The following ZNF717 variants were observed in gnomAD, a reference collection of about 807,000 sequenced individuals.
ZNF717 encodes krueppel-like factor X17.
ZNF717 carries 9 observed loss-of-function variants against 13.8 expected under a neutral mutation model. The observed-to-expected ratio is 0.65, with a 90% CI of 0.39 to 1.14. ZNF717 has a LOEUF of 1.14. Among genes scored for constraint, ZNF717 ranks in the 50% most tolerant of loss-of-function variants. ZNF717 has a pLI of 0.01. For missense variants in ZNF717, 1,040 were observed against 1,080.7 expected (o/e 0.96, Z 0.53); for synonymous variants, 327 against 364.1 (o/e 0.90, Z 1.16).
chr3:75,704,877 G>C (rs796758081), downstream of ZNF717, among the ~76,000 whole-genome samples: 1 of 152,312 alleles, frequency 6.6e-6, no homozygotes, highest in African/African-American at 2.4e-5. Context: ...GAGATGTCTT[G>C]GAACCTAGTA....
downstream of ZNF717, among the ~76,000 whole-genome samples, chr3:75,728,993 T>C (rs1406528835): frequency 3.0e-5 from 4 of 131,166 alleles, no homozygotes; most frequent in African/African-American, 5.9e-5. Context: ...ATACATAACA[T>C]AGACAAACAG....
chr3:75,769,390 C>T (rs905458140), intron 2 of ZNF717, among the ~76,000 whole-genome samples: 15 of 152,034 alleles, frequency 9.9e-5, no homozygotes, highest in Non-Finnish European at 1.9e-4. Context: ...ACGTCCCCAG[C>T]CACTAGAGTC....
At chr3:75,748,168 C>A (rs199978763) in intron 2 of ZNF717, among the ~76,000 whole-genome samples, 2 of 152,014 alleles carry the variant, frequency 1.3e-5, no homozygotes, top group Admixed American at 6.6e-5. Context: ...CTTAATAGAC[C>A]AATAACAGGC....
At chr3:75,773,058 G>A (rs1944023725) in intron 2 of ZNF717, among the ~76,000 whole-genome samples, 1 of 152,198 alleles carries the variant, frequency 6.6e-6, no homozygotes, top group Non-Finnish European at 1.5e-5. Flanking sequence ...TCCAGTTAGA[G>A]GCCTCCTACA....
intron 6 of ZNF717, among the ~76,000 whole-genome samples, chr3:75,695,164 C>G (rs1381273836): frequency 2.2e-5 from 3 of 139,182 alleles, no homozygotes; most frequent in African/African-American, 8.0e-5. Context: ...CAACAGAAAC[C>G]AAAAAAGAGC....
rs1440112745 is a variant in ZNF717 at position 75,754,691 on chromosome 3, G to C, written c.58-12955C>G. Among the ~76,000 whole-genome samples, 20 of 151,682 alleles carry C rather than the reference G, an allele frequency of 1.3e-4. 1 individual carries two copies. Among genetic ancestry groups the C allele is most frequent in the Admixed American group, 7.2e-4 (11 of 15,192 alleles). ...AAGAAAAACACTGAAATGAACAAAA[G>C]ATGATATCCAAGACTGTGGGACAAC... On this transcript the variant is annotated intron_variant, in intron 2 of 4. Transcript: ENST00000652011.
chr3:75,781,962 C>A (rs1576006362), intron 2 of ZNF717, among the ~76,000 whole-genome samples: 12 of 152,038 alleles, frequency 7.9e-5, no homozygotes, highest in Admixed American at 6.6e-4. Context: ...TAGAATCCCC[C>A]CTCCCCTCTC....
chr3:75,765,033 A>ATGTG (rs1367218796), intron 2 of ZNF717, among the ~76,000 whole-genome samples: 1 of 59,110 alleles, frequency 1.7e-5, no homozygotes, highest in African/African-American at 9.7e-5. Context: ...ATATATATGT[A>ATGTG]TATGTGTGTG....
intron 6 of ZNF717, among the ~76,000 whole-genome samples, chr3:75,699,335 C>T (rs796095903): frequency 6.6e-6 from 1 of 152,298 alleles, no homozygotes; most frequent in Admixed American, 6.5e-5. Context: ...ATGAGATTTG[C>T]AATGGCCAGG....
intron 6 of ZNF717, among the ~76,000 whole-genome samples, chr3:75,695,586 T>C (rs1575756120): frequency 2.0e-5 from 3 of 152,412 alleles, no homozygotes. Context: ...AAGTAACAAG[T>C]CTAAAGACAT....
At chr3:75,733,394 G>A (rs74633127), downstream of ZNF717, among the ~76,000 whole-genome samples, 16,450 of 121,628 alleles carry the variant, frequency 0.14, no homozygotes, top group Non-Finnish European at 0.17. Context: ...CTACACCTAG[G>A]CATATTATTC....
rs375297354 is a variant in ZNF717, at chr3:75,738,301, T to C, written c.1322A>G (p.His441Arg). 45 of 1,550,716 alleles carry C rather than the reference T, an allele frequency of 2.9e-5. No individual in the cohort carries two copies. Among genetic ancestry groups the C allele is most frequent in the East Asian group, 1.2e-4 (5 of 40,844 alleles). The change falls in exon 5 of 5, where the codon CAT (histidine) becomes CGT (arginine). Residue 441 changes from histidine (H) to arginine (R), a missense_variant. Physicochemically the swap from His to Arg is conservative, Grantham distance 29. Around this residue, in one of 3 missense-constraint regions of ZNF717, gnomAD observed 873 missense variants for 832.8 expected, o/e 1.05. Transcript: ENST00000652011. Reference sequence around the variant, plus strand: ...TTTTTCCCCTGTGTGTGTTCTCTGATGGACAGTAAGCCTTGACTTATGGCT... The same window carrying C: ...TTTTTCCCCTGTGTGTGTTCTCTGACGGACAGTAAGCCTTGACTTATGGCT... Reference protein sequence around the residue: ...AFSHKSRLTVHQRTHTGEKPY... With the variant: ...AFSHKSRLTVRQRTHTGEKPY...
intron 2 of ZNF717, among the ~76,000 whole-genome samples, chr3:75,767,384 G>A (rs573572181): frequency 6.6e-6 from 1 of 152,360 alleles, no homozygotes; most frequent in Non-Finnish European, 1.5e-5. Flanking sequence ...GTAATAATGA[G>A]TTGTTTTAAG....
intron 2 of ZNF717, among the ~76,000 whole-genome samples, chr3:75,749,691 C>A (rs1224800453): frequency 6.6e-6 from 1 of 151,984 alleles, no homozygotes; most frequent in Non-Finnish European, 1.5e-5. Context: ...GAGTATTTCC[C>A]CTCACTTAGG....
chr3:75,763,395 T>C (rs12486256), intron 2 of ZNF717, among the ~76,000 whole-genome samples: 13,890 of 152,166 alleles, frequency 0.091, 1,069 homozygotes, highest in African/African-American at 0.21. Context: ...TTCCTTTGAG[T>C]GTCATGTTGG....
intron 2 of ZNF717, among the ~76,000 whole-genome samples, chr3:75,756,275 C>T (rs943235124): frequency 6.9e-6 from 1 of 143,922 alleles, no homozygotes; most frequent in African/African-American, 2.6e-5. Context: ...ACTACTCCAC[C>T]AACGGGCCAT....
At chr3:75,771,710 G>A (rs568483379) in intron 2 of ZNF717, among the ~76,000 whole-genome samples, 101 of 152,316 alleles carry the variant, frequency 6.6e-4, no homozygotes, top group South Asian at 2.3e-3. Context: ...AGCCAGGAAC[G>A]GGTGGGAGCC....
chr3:75,725,602 A>T (rs1358634449), downstream of ZNF717, among the ~76,000 whole-genome samples: 1 of 152,218 alleles, frequency 6.6e-6, no homozygotes, highest in Admixed American at 6.5e-5. Flanking sequence ...TATAAAGAAA[A>T]ATAAGTTTAA....
chr3:75,767,379 A>T (rs1943562600), intron 2 of ZNF717, among the ~76,000 whole-genome samples: 1 of 152,262 alleles, frequency 6.6e-6, no homozygotes, highest in Non-Finnish European at 1.5e-5. Context: ...AACAAGTAAT[A>T]ATGAGTTGTT....
Sources: allele counts gnomAD v4.1 joint callset (sites outside exome capture counted in the v4.1 genomes callset), GRCh38; gene constraint gnomAD v4.1.1; regional missense constraint gnomAD v4.1.1; transcripts MANE v1.5; gene names NCBI Gene and HGNC (gene_info 2026-07-23, HGNC 2026-07-21).